NBAS: variants seen among roughly 807,000 people sequenced by gnomAD.
NBAS encodes the protein NAG/BC035112 fusion.
In NBAS, 219 loss-of-function variants were observed where a neutral mutation model predicts 302.5. The observed-to-expected ratio is 0.72, with a 90% confidence interval of 0.65 to 0.81. NBAS has a LOEUF of 0.81. NBAS is among the 30% of genes least tolerant of loss of function. The pLI is 0.00. For synonymous variants in NBAS, 1,118 were observed against 1,021.6 expected (o/e 1.09, Z -1.80); for missense variants, 2,932 against 2,841.6 (o/e 1.03, Z -0.72).
Position 15,350,296 on chromosome 2 carries a change from C to T in NBAS, c.4179+1696G>A, listed in dbSNP as rs969003059. ...GATACAGCAAAAAAAAAAGTTAGTG[C>T]AGTTCACTTACCACAATAGGTGTCT... On this transcript the variant is annotated intron_variant, in intron 35 of 51. Coordinates refer to ENST00000281513, the MANE Select transcript of NBAS (RefSeq NM_015909.4). Among the ~76,000 whole-genome samples the T allele has an allele frequency of 1.7e-4, 26 of 152,100 alleles. 1 individual carries two copies. The highest frequency in any genetic ancestry group is 5.1e-4 in the African/African-American group (21 of 41,486).
At chr2:14,903,145 G>T in the NBAS span, among the ~76,000 whole-genome samples, 1 of 152,112 alleles carries the variant, frequency 6.6e-6, no homozygotes, top group African/African-American at 2.4e-5. Context: ...GTCCTAGCGT[G>T]TAAGGGCCAA....
rs200601567 is a variant in NBAS at position 15,276,911 on chromosome 2, A to G, written c.5329T>C (p.Cys1777Arg). 1.0e-4 allele frequency: 165 copies of G among 1,613,978 alleles called. No individual in the cohort carries two copies. Among genetic ancestry groups the G allele is most frequent in the Non-Finnish European group, 9.7e-5 (115 of 1,180,000 alleles). ...ENCGCADLGN[C>R]AIKPETHIRL... is the part of the protein sequence containing the mutation. ...ATGTGGGTTTCTGGTTTAATGGCAC[A>G]GTTCCCCAAATCTGCACAGCCACAG... Residue 1777 changes from cysteine (C) to arginine (R), a missense_variant, in exon 43 of 52, where the codon TGT becomes CGT. Cys to Arg is a radical substitution (Grantham distance 180). Coordinates refer to ENST00000281513, the MANE Select transcript of NBAS (RefSeq NM_015909.4).
chr2:15,383,348 A>T (rs1173615208), intron 28 of NBAS, 31 bp from the exon 29 acceptor site: 2 of 1,587,022 alleles, frequency 1.3e-6, no homozygotes, highest in Admixed American at 3.3e-5. Context: ...GACAAGGAAG[A>T]GGGAAAGAAA....
the NBAS span, among the ~76,000 whole-genome samples, chr2:14,816,480 T>C: frequency 3.0e-4 from 46 of 152,324 alleles, no homozygotes; most frequent in African/African-American, 1.1e-3. Context: ...GCCAAAAAGG[T>C]TGGAGACTGC....
the NBAS span, among the ~76,000 whole-genome samples, chr2:14,828,820 G>T: frequency 1.3e-5 from 2 of 152,006 alleles, no homozygotes; most frequent in African/African-American, 4.8e-5. Context: ...GAGAGAAAGA[G>T]AAGAATCATA....
At chr2:15,147,264 A>G in the NBAS span, among the ~76,000 whole-genome samples, 1 of 152,108 alleles carries the variant, frequency 6.6e-6, no homozygotes, top group Non-Finnish European at 1.5e-5. Flanking sequence ...CGAAGCTATT[A>G]TCTAGGAAAC....
At chr2:15,180,791 G>A (rs1215453403) in intron 50 of NBAS, among the ~76,000 whole-genome samples, 1 of 152,150 alleles carries the variant, frequency 6.6e-6, no homozygotes, top group South Asian at 2.1e-4. Flanking sequence ...TGGGGCCAGC[G>A]GCTACCATAT....
At chr2:14,964,706 T>C in the NBAS span, among the ~76,000 whole-genome samples, 6 of 152,132 alleles carry the variant, frequency 3.9e-5, no homozygotes. Flanking sequence ...ACAACCTGAT[T>C]AATTGACATT....
At chr2:15,535,194 A>C (rs2148681753) in intron 8 of NBAS, among the ~76,000 whole-genome samples, 1 of 152,326 alleles carries the variant, frequency 6.6e-6, no homozygotes, top group East Asian at 1.9e-4. Flanking sequence ...TCAGAGGATA[A>C]CAAAATCTGT....
intron 6 of NBAS, among the ~76,000 whole-genome samples, chr2:15,549,503 A>G (rs1664273444): frequency 6.6e-6 from 1 of 152,034 alleles, no homozygotes; most frequent in Non-Finnish European, 1.5e-5. Flanking sequence ...CCAAGGCGGG[A>G]GGATCACTTG....
intron 35 of NBAS, among the ~76,000 whole-genome samples, chr2:15,345,095 T>A (rs937014700): frequency 2.0e-5 from 3 of 152,088 alleles, no homozygotes. Context: ...TGAAAACTGG[T>A]ACAAGACAAG....
intron 3 of NBAS, among the ~76,000 whole-genome samples, chr2:15,554,797 T>A (rs895045381): frequency 1.3e-5 from 2 of 151,744 alleles, no homozygotes; most frequent in Admixed American, 6.6e-5. Context: ...CTGTGGAGGA[T>A]AAGAATAAAA....
intron 21 of NBAS, among the ~76,000 whole-genome samples, chr2:15,450,128 C>CT (rs1361191740): frequency 1.3e-5 from 2 of 152,072 alleles, no homozygotes; most frequent in African/African-American, 4.8e-5. Context: ...AAAATTACTT[C>CT]TTTTTAAATT....
chr2:15,455,820 A>G (rs1679225090), intron 21 of NBAS, among the ~76,000 whole-genome samples: 1 of 151,460 alleles, frequency 6.6e-6, no homozygotes, highest in Non-Finnish European at 1.5e-5. Context: ...TTCAAAATAC[A>G]GTCTTTTTAA....
the NBAS span, among the ~76,000 whole-genome samples, chr2:14,924,651 T>C: frequency 0.016 from 2,392 of 152,272 alleles, 61 homozygotes; most frequent in African/African-American, 0.055. Flanking sequence ...ATAGACTTCC[T>C]TTCGCCAAGA....
chr2:15,084,935 G>C, the NBAS span, among the ~76,000 whole-genome samples: 1 of 152,242 alleles, frequency 6.6e-6, no homozygotes, highest in Non-Finnish European at 1.5e-5. Context: ...ATGAGGTCAA[G>C]GTAATGGCAG....
chr2:15,437,213 ATGGAGGATACC>A lies in NBAS; in HGVS notation c.2340-9430_2340-9420del, dbSNP rs368744111. ...GAGATGTGGAATTTAGCTGGGCATGATGGAGGATACCTGGAGTTCCAGCTACTGGGGAGGCT... is the reference window on the plus strand; with the variant it reads ...GAGATGTGGAATTTAGCTGGGCATGATGGAGTTCCAGCTACTGGGGAGGCT... On this transcript the variant is annotated intron_variant, in intron 21 of 51. Coordinates refer to ENST00000281513, the MANE Select transcript of NBAS (RefSeq NM_015909.4). Among the ~76,000 whole-genome samples the A allele has an allele frequency of 1.1e-3, 171 of 152,228 alleles. 2 individuals carry two copies. The highest frequency in any genetic ancestry group is 3.9e-3 in the African/African-American group (162 of 41,554).
At chr2:15,047,239 G>C in the NBAS span, among the ~76,000 whole-genome samples, 1 of 152,266 alleles carries the variant, frequency 6.6e-6, no homozygotes, top group Non-Finnish European at 1.5e-5. Context: ...TAGTGAACAA[G>C]GGAGAAGGAG....
intron 12 of NBAS, among the ~76,000 whole-genome samples, chr2:15,480,785 T>C (rs1477627841): frequency 1.3e-5 from 2 of 152,038 alleles, no homozygotes; most frequent in Non-Finnish European, 2.9e-5. Context: ...TTGTTTGGGG[T>C]TTTTAGGGGG....
Sources: gnomAD v4.1 joint callset for allele counts (sites outside exome capture counted in the v4.1 genomes callset) on GRCh38, gnomAD v4.1.1 for gene constraint, MANE v1.5 for transcripts, NCBI Gene and HGNC (gene_info 2026-07-23, HGNC 2026-07-21) for gene names.